Variants in SLC22A5 observed in about 807,000 individuals in gnomAD.
The protein encoded by SLC22A5 is solute carrier family 22 member 5.
SLC22A5 carries 44 observed loss-of-function variants against 56.7 expected under a neutral mutation model. The observed-to-expected ratio is 0.78, with a 90% CI of 0.61 to 1.00. The LOEUF is 1.00. Ranked by LOEUF, SLC22A5 falls within the 50% of genes least tolerant of loss-of-function variation. The probability of loss-of-function intolerance (pLI) is 0.00; values close to 1 mark genes in which losing one functional copy is unlikely to be tolerated. For synonymous variants in SLC22A5, 278 were observed against 292.1 expected (o/e 0.95, Z 0.49); for missense variants, 675 against 723.0 (o/e 0.93, Z 0.76).
At chr5:132,371,561 C>A (rs1326253328) in intron 1 of SLC22A5, among the ~76,000 whole-genome samples, 1 of 152,228 alleles carries the variant, frequency 6.6e-6, no homozygotes, top group Admixed American at 6.5e-5. Flanking sequence ...GGCACTCTAG[C>A]TCCCTGAAGT....
At chr5:132,391,340 C>T (rs899870319) in intron 7 of SLC22A5, among the ~76,000 whole-genome samples, 3 of 152,076 alleles carry the variant, frequency 2.0e-5, no homozygotes, top group African/African-American at 4.8e-5. Flanking sequence ...CCTCATGGAA[C>T]GTACACCCTA....
At chr5:132,373,178 A>C (rs1168156382) in intron 1 of SLC22A5, among the ~76,000 whole-genome samples, 1 of 152,222 alleles carries the variant, frequency 6.6e-6, no homozygotes, top group Non-Finnish European at 1.5e-5. Flanking sequence ...GAACTAAAGA[A>C]AAATAGTTCA....
intron 1 of SLC22A5, chr5:132,376,786 C>A (rs1489614565): frequency 6.6e-6 from 1 of 152,280 alleles, no homozygotes; most frequent in East Asian, 1.9e-4. Flanking sequence ...TGGCCTCACA[C>A]ACAGAGGCCG....
chr5:132,373,937 G>C (rs1006844375), intron 1 of SLC22A5, among the ~76,000 whole-genome samples: 8 of 151,066 alleles, frequency 5.3e-5, no homozygotes, highest in Admixed American at 2.0e-4. Context: ...AGAAACTTCC[G>C]GCTGGGTGTG....
In SLC22A5 at chr5:132,394,489, A is replaced by G; in HGVS notation, c.*217A>G. On this transcript the variant is annotated 3_prime_UTR_variant, in exon 10 of 10. Coordinates refer to ENST00000245407, the MANE Select transcript of SLC22A5 (RefSeq NM_003060.4). ...AGGGACACTGGGGCTACCTACAGAC[A>G]ACTTCATCTAAGTCCTAACTATTAC... 1 of 597,470 alleles carries G rather than the reference A, an allele frequency of 1.7e-6. No homozygotes were observed. Among genetic ancestry groups the G allele is most frequent in the Admixed American group, 3.0e-5 (1 of 33,678 alleles). 37.0% of individuals were successfully genotyped at this position (597,470 alleles called of 1,614,324 possible).
chr5:132,387,590 C>CA (rs1752577023), intron 5 of SLC22A5, among the ~76,000 whole-genome samples: 1 of 152,126 alleles, frequency 6.6e-6, no homozygotes, highest in South Asian at 2.1e-4. Flanking sequence ...AGAAGTATTT[C>CA]ATCTCTTGAG....
Position 132,387,126 on chromosome 5 carries a change from C to T in SLC22A5, c.926C>T (p.Pro309Leu), listed in dbSNP as rs1252043783. The change falls in exon 5 of 10, where the codon CCT (proline) becomes CTT (leucine). Residue 309 changes from proline to leucine, a missense_variant. Transcript: ENST00000245407. The part of the protein sequence containing the change: ...KAAKANGIVV[P>L]STIFDPSELQ... Reference sequence around the variant, plus strand: ...GCCAAAGCCAATGGGATTGTTGTGCCTTCCACTATCTTTGACCCGAGTGAG... The same window carrying T: ...GCCAAAGCCAATGGGATTGTTGTGCTTTCCACTATCTTTGACCCGAGTGAG... The T allele has an allele frequency of 3.1e-6, 5 of 1,614,026 alleles. No individual in the cohort carries two copies. In the Admixed American group the frequency reaches 5.0e-5, roughly 16 times the overall value.
In SLC22A5 at chr5:132,369,811, G is replaced by T. The variant is rs567162714; in HGVS notation, c.-162G>T. On this transcript the variant is annotated 5_prime_UTR_variant, in exon 1 of 10. Transcript: ENST00000245407. ...CCCTATGTAAGGCCAGCCGCGGCAG[G>T]ACCAAGGCGGCGGTGTCAGCTCGCG... 8 of 893,604 alleles carry T rather than the reference G, an allele frequency of 9.0e-6. No homozygotes were observed. The highest frequency in any genetic ancestry group is 1.1e-5 in the Non-Finnish European group (7 of 616,262). 55.4% of individuals were successfully genotyped at this position (893,604 alleles called of 1,614,324 possible). A position where few individuals can be genotyped will look rare whatever the true frequency, so the allele number is the denominator to read the frequency against.
At position 132,393,592 on chromosome 5, in the gene SLC22A5, AGAGTCCTGG is replaced by A. The variant is rs1296210919; in HGVS notation, c.1451-80_1451-72del. On this transcript the variant is annotated intron_variant, in intron 8 of 9. Coordinates refer to ENST00000245407, the MANE Select transcript of SLC22A5 (RefSeq NM_003060.4). ...CCAAGAAGGAAAGTGATCCCCTTCC[AGAGTCCTGG>A]GAGCATAAAGGGGTAGATGAGAGAC... 4.0e-6 allele frequency: 6 copies of A among 1,483,166 alleles called. No homozygotes were observed. The African/African-American group carries it at 8.3e-5, about 21-fold the overall frequency. 91.9% of individuals were successfully genotyped at this position (1,483,166 alleles called of 1,614,324 possible).
chr5:132,379,873 G>C (rs2516788), intron 2 of SLC22A5: 55,851 of 152,172 alleles, frequency 0.37, 11,206 homozygotes, highest in East Asian at 0.65. Flanking sequence ...TAAATAACTT[G>C]CCCAGGGTTT....
intron 3 of SLC22A5, among the ~76,000 whole-genome samples, chr5:132,384,818 G>A (rs537952450): frequency 6.6e-6 from 1 of 152,348 alleles, no homozygotes; most frequent in East Asian, 1.9e-4. Flanking sequence ...AGTGCACACT[G>A]CAGGGCTTTG....
intron 4 of SLC22A5, among the ~76,000 whole-genome samples, chr5:132,386,616 A>G (rs568454408): frequency 1.3e-5 from 2 of 152,320 alleles, no homozygotes; most frequent in Non-Finnish European, 2.9e-5. Context: ...CTAAAAGGCC[A>G]GTGCAGAAGC....
rs386134223 is a variant in SLC22A5 at position 132,392,577 on chromosome 5, G to T, written c.1412G>T (p.Arg471Leu). ...GTGGGAGTCAGCTCCACAGCATCCC[G>T]CCTGGGCAGCATCCTGTCTCCCTAC... ...MGVGVSSTAS[R>L]LGSILSPYFV... The change falls in exon 8 of 10, where the codon CGC becomes CTC. Residue 471 changes from arginine to leucine, a missense_variant. Arg to Leu is a moderately radical substitution (Grantham distance 102). Coordinates refer to ENST00000245407, the MANE Select transcript of SLC22A5 (RefSeq NM_003060.4). 1.9e-6 allele frequency: 3 copies of T among 1,614,056 alleles called. No individual in the cohort carries two copies. The African/African-American group carries it at 4.0e-5, about 22-fold the overall frequency.
chr5:132,378,136 T>C, intron 1 of SLC22A5: 1 of 1,557,062 alleles, frequency 6.4e-7, no homozygotes. Context: ...ACTTACTCTC[T>C]GCCTGTCTCT....
chr5:132,380,070 G>C (rs1045870983), intron 2 of SLC22A5: 2 of 152,312 alleles, frequency 1.3e-5, no homozygotes, highest in African/African-American at 4.8e-5. Context: ...GAGAAGTGCA[G>C]GGTGCCACAG....
rs1157198543 is a variant in SLC22A5 at position 132,393,745 on chromosome 5, T to C, written c.1520T>C (p.Leu507Ser). The C allele has an allele frequency of 6.8e-6, 11 of 1,614,038 alleles. No individual in the cohort carries two copies. The highest frequency in any genetic ancestry group is 9.3e-6 in the Non-Finnish European group (11 of 1,180,022). The part of the protein sequence containing the change: ...SLTILTAILT[L>S]FLPESFGTPL... ...ACCATCCTGACAGCCATCCTCACCT[T>C]GTTTCTCCCAGAGAGCTTCGGTACC... The change falls in exon 9 of 10, where the codon TTG (leucine) becomes TCG (serine). Residue 507 changes from leucine (L) to serine (S), a missense_variant. By Grantham distance (145) the Leu-to-Ser change is moderately radical. Transcript: ENST00000245407.
At chr5:132,373,288 A>C (rs1752005768) in intron 1 of SLC22A5, among the ~76,000 whole-genome samples, 1 of 152,242 alleles carries the variant, frequency 6.6e-6, no homozygotes, top group Admixed American at 6.5e-5. Context: ...CTTTGATGCC[A>C]CATGGATGTG....
chr5:132,393,696 C>A lies in SLC22A5; in HGVS notation c.1471C>A (p.Pro491Thr). Residue 491 changes from proline (P) to threonine (T), a missense_variant, in exon 9 of 10, where the codon CCC (proline) becomes ACC (threonine). Coordinates refer to ENST00000245407, the MANE Select transcript of SLC22A5 (RefSeq NM_003060.4). ...VYLGAYDRFL[P>T]YILMGSLTIL... ...CATAGGTGCCTACGACCGCTTCCTGCCCTACATTCTCATGGGAAGTCTGAC... is the reference window on the plus strand; with the variant it reads ...CATAGGTGCCTACGACCGCTTCCTGACCTACATTCTCATGGGAAGTCTGAC... The A allele has an allele frequency of 6.2e-7, 1 of 1,614,164 alleles. No homozygotes were observed. The highest frequency in any genetic ancestry group is 8.5e-7 in the Non-Finnish European group (1 of 1,180,022).
chr5:132,386,430 T>C (rs973013051), intron 4 of SLC22A5, among the ~76,000 whole-genome samples: 2 of 152,086 alleles, frequency 1.3e-5, no homozygotes, highest in African/African-American at 4.8e-5. Flanking sequence ...CGGGTTTCAC[T>C]GCGTTGGCCA....
Sources: gnomAD v4.1 joint callset for allele counts (sites outside exome capture counted in the v4.1 genomes callset) on GRCh38, gnomAD v4.1.1 for gene constraint, MANE v1.5 for transcripts, NCBI Gene and HGNC (gene_info 2026-07-23, HGNC 2026-07-21) for gene names.